TTC34: variants seen among roughly 807,000 people sequenced by gnomAD.
The protein encoded by TTC34 is tetratricopeptide repeat protein 34.
Under a neutral mutation model 40.7 loss-of-function variants are expected in TTC34, and 44 were observed. The ratio of observed to expected loss-of-function variants is 1.08; its 90% CI spans 0.85 to 1.39. TTC34 has a LOEUF of 1.39. Among genes scored for constraint, TTC34 ranks in the 40% most tolerant of loss-of-function variants. The probability of loss-of-function intolerance (pLI) is 0.00; values close to 1 mark genes in which losing one functional copy is unlikely to be tolerated. For missense variants in TTC34, 884 were observed against 838.0 expected, an observed-to-expected ratio of 1.05 and a Z score of -0.68; for synonymous variants, 422 against 398.6, an observed-to-expected ratio of 1.06 and a Z score of -0.70.
In TTC34 at chr1:2,750,520, C is replaced by A. The variant is rs1223501128; in HGVS notation, c.2226+33089G>T. On this transcript the variant is annotated intron_variant, in intron 6 of 8. Transcript: ENST00000401095. Reference sequence around the variant, plus strand: ...GCATTGGACAGCCTGGATCAGCACCCACATCCCCAAGCGAGCATCCGACAG... The same window carrying A: ...GCATTGGACAGCCTGGATCAGCACCAACATCCCCAAGCGAGCATCCGACAG... Among the ~76,000 whole-genome samples the A allele has an allele frequency of 9.2e-4, 119 of 130,044 alleles. 37 individuals are homozygous for A. Among genetic ancestry groups the A allele is most frequent in the African/African-American group, 3.2e-3 (100 of 31,328 alleles). 85.3% of individuals were successfully genotyped at this position (130,044 alleles called of 152,430 possible).
At chr1:2,637,401 G>C (rs1037282805) in exon 9 of TTC34, 3 of 152,150 alleles carry the variant, frequency 2.0e-5, no homozygotes, top group African/African-American at 7.2e-5. Context: ...TGTCTGCCTA[G>C]GATTTGTCTG....
At chr1:2,773,046 C>G (rs1252357553) in intron 6 of TTC34, among the ~76,000 whole-genome samples, 2 of 149,764 alleles carry the variant, frequency 1.3e-5, no homozygotes, top group African/African-American at 4.9e-5. Context: ...CAGCCTGGAG[C>G]AGCACGCACA....
At position 2,755,583 on chromosome 1, in the gene TTC34, C is replaced by T. The variant is rs1198210798; in HGVS notation, c.2226+28026G>A. On this transcript the variant is annotated intron_variant, in intron 6 of 8. Coordinates refer to ENST00000401095, the Ensembl canonical transcript of TTC34. Reference sequence around the variant, plus strand: ...TGAAACCACGGAGCAGCACCCACACCTCCCGGCGAGCATCCGACAGCCTGG... The same window carrying T: ...TGAAACCACGGAGCAGCACCCACACTTCCCGGCGAGCATCCGACAGCCTGG... Among the ~76,000 whole-genome samples, 4 of 109,406 alleles carry T rather than the reference C, an allele frequency of 3.7e-5. 1 individual carries two copies. The highest frequency in any genetic ancestry group is 3.2e-4 in the South Asian group (1 of 3,134). 71.8% of individuals were successfully genotyped at this position (109,406 alleles called of 152,430 possible).
chr1:2,648,720 A>G (rs1023031006), intron 6 of TTC34, among the ~76,000 whole-genome samples: 1 of 149,170 alleles, frequency 6.7e-6, no homozygotes, highest in Non-Finnish European at 1.5e-5. Context: ...ACAGGTGAGC[A>G]TCTGACAGCC....
chr1:2,698,571 C>G (rs1392476649), intron 6 of TTC34, among the ~76,000 whole-genome samples: 3 of 68,880 alleles, frequency 4.4e-5, no homozygotes, highest in Admixed American at 1.3e-4. Context: ...CCCACACCCC[C>G]AGATGAGCAT....
At chr1:2,790,178 C>G (rs901426720) in exon 3 of TTC34, 1 of 398,418 alleles carries the variant, frequency 2.5e-6, no homozygotes, top group Non-Finnish European at 4.4e-6. Context: ...CGCCTGAGCC[C>G]GGACGCGCTC....
At chr1:2,683,820 A>C (rs1419913711) in intron 6 of TTC34, among the ~76,000 whole-genome samples, 19 of 150,480 alleles carry the variant, frequency 1.3e-4, no homozygotes, top group Admixed American at 1.1e-3. Context: ...GACAGCCGGG[A>C]ACAGCACCCA....
chr1:2,749,837 A>C, intron 6 of TTC34, among the ~76,000 whole-genome samples: 1 of 142,094 alleles, frequency 7.0e-6, no homozygotes, highest in African/African-American at 2.7e-5. Flanking sequence ...CTGGAACAGC[A>C]CCCACACCCC....
chr1:2,688,058 C>G (rs796078120), intron 6 of TTC34, among the ~76,000 whole-genome samples: 1 of 107,324 alleles, frequency 9.3e-6, no homozygotes, highest in Admixed American at 9.4e-5. Context: ...CCCAGGTAAG[C>G]ATCTGACAGC....
At chr1:2,660,678 C>G (rs1161671423) in intron 6 of TTC34, among the ~76,000 whole-genome samples, 1 of 14,670 alleles carries the variant, frequency 6.8e-5, no homozygotes, top group African/African-American at 2.0e-4. Flanking sequence ...CACACCCAGG[C>G]GAGCATCTGA....
In TTC34 at chr1:2,789,649, G is replaced by C; in HGVS notation, c.1482C>G (p.Tyr494Ter). The stretch of plus-strand genomic sequence containing the variant: ...GCAGCCCCCGCTGGTTCCAGGGCAC[G>C]TAGGCCTTGGCGGCCAGCAGCGCCT... The change falls in exon 3 of 9, where the codon TAC becomes TAG. Residue 494 changes from tyrosine (Y) to a stop codon, truncating the protein, a stop_gained. Coordinates refer to ENST00000401095, the Ensembl canonical transcript of TTC34. LOFTEE classifies it high-confidence loss of function. 1 of 1,340,156 alleles carries C rather than the reference G, an allele frequency of 7.5e-7. No homozygotes were observed. The highest frequency in any genetic ancestry group is 9.6e-7 in the Non-Finnish European group (1 of 1,046,548). 83.0% of individuals were successfully genotyped at this position (1,340,156 alleles called of 1,614,324 possible).
chr1:2,750,587 G>A (rs1353708095), intron 6 of TTC34, among the ~76,000 whole-genome samples: 70 of 112,242 alleles, frequency 6.2e-4, no homozygotes, highest in South Asian at 2.4e-3. Flanking sequence ...ATCTGACATC[G>A]TGGAGCAGCA....
chr1:2,781,663 A>G (rs964810008), intron 6 of TTC34, among the ~76,000 whole-genome samples: 6 of 152,118 alleles, frequency 3.9e-5, no homozygotes, highest in African/African-American at 1.4e-4. Flanking sequence ...TGGGTTTTTC[A>G]TATATGGATT....
At chr1:2,768,671 G>C (rs1392810956) in intron 6 of TTC34, among the ~76,000 whole-genome samples, 5 of 150,790 alleles carry the variant, frequency 3.3e-5, no homozygotes, top group Non-Finnish European at 7.4e-5. Context: ...CCCCAGGTAA[G>C]ATTCCAACAG....
chr1:2,656,304 G>A (rs1202364403), intron 6 of TTC34, among the ~76,000 whole-genome samples: 2 of 151,204 alleles, frequency 1.3e-5, no homozygotes, highest in East Asian at 2.0e-4. Context: ...ACCCCCAGGC[G>A]AGCATCTGAC....
rs1256039785 is a variant in TTC34 at position 2,750,782 on chromosome 1, G to C, written c.2226+32827C>G. On this transcript the variant is annotated intron_variant, in intron 6 of 8. Coordinates refer to ENST00000401095, the Ensembl canonical transcript of TTC34. Reference sequence around the variant, plus strand: ...GCACGCATAAACACAGGTGAACATCGGAGAGTCTGGAGCAGCGCCCACACC... The same window carrying C: ...GCACGCATAAACACAGGTGAACATCCGAGAGTCTGGAGCAGCGCCCACACC... Among the ~76,000 whole-genome samples, 12 of 78,268 alleles carry C rather than the reference G, an allele frequency of 1.5e-4. 3 individuals are homozygous for C. The highest frequency in any genetic ancestry group is 2.9e-4 in the Admixed American group (2 of 7,016). 51.3% of individuals were successfully genotyped at this position (78,268 alleles called of 152,430 possible).
chr1:2,791,341 A>G (rs1171151789), intron 2 of TTC34, among the ~76,000 whole-genome samples: 2 of 152,158 alleles, frequency 1.3e-5, no homozygotes, highest in East Asian at 3.8e-4. Context: ...GGACGTTCTG[A>G]GGGTCCATCC....
intron 6 of TTC34, among the ~76,000 whole-genome samples, chr1:2,768,008 A>C (rs1418464521): frequency 1.3e-5 from 2 of 151,210 alleles, no homozygotes; most frequent in East Asian, 3.9e-4. Flanking sequence ...ACGTCCCCTC[A>C]GGTGAGCATC....
At chr1:2,751,764 C>CCCACGGACAGGTGAGCATCTG (rs1641328285) in intron 6 of TTC34, among the ~76,000 whole-genome samples, 1 of 144,190 alleles carries the variant, frequency 6.9e-6, no homozygotes, top group Non-Finnish European at 1.5e-5. Flanking sequence ...AGCAGCACCC[C>CCCACGGACAGGTGAGCATCTG]ACACCCACAG....
Sources: allele counts gnomAD v4.1 joint callset (sites outside exome capture counted in the v4.1 genomes callset), GRCh38; gene constraint gnomAD v4.1.1; transcripts MANE v1.5; gene names NCBI Gene and HGNC (gene_info 2026-07-23, HGNC 2026-07-21).